Variants in CSMD1 observed in about 807,000 individuals in gnomAD.
CSMD1 encodes CUB and Sushi multiple domains 1.
Under a neutral mutation model 417.5 loss-of-function variants are expected in CSMD1, and 213 were observed. The observed-to-expected ratio is 0.51, with a 90% CI of 0.46 to 0.57. The LOEUF is 0.57. CSMD1 is among the 20% of genes least tolerant of loss of function. CSMD1 has a pLI of 0.00. For missense variants in CSMD1, 6,923 were observed against 4,529.7 expected (o/e 1.53, Z -15.17); for synonymous variants, 2,862 against 1,736.8 (o/e 1.65, Z -16.11).
intron 1 of CSMD1, among the ~76,000 whole-genome samples, chr8:4,854,671 G>C (rs1048215929): frequency 6.6e-6 from 1 of 152,088 alleles, no homozygotes; most frequent in Non-Finnish European, 1.5e-5. Context: ...CTGGAAAATC[G>C]GGTCACTCCC....
At chr8:4,456,519 T>G (rs569875034) in intron 2 of CSMD1, among the ~76,000 whole-genome samples, 5 of 152,192 alleles carry the variant, frequency 3.3e-5, no homozygotes, top group African/African-American at 1.2e-4. Context: ...TAAATGTTTA[T>G]AGTGTTGGCA....
At chr8:4,742,255 C>T (rs7003358) in intron 1 of CSMD1, among the ~76,000 whole-genome samples, 1 of 150,602 alleles carries the variant, frequency 6.6e-6, no homozygotes, top group Non-Finnish European at 1.5e-5. Flanking sequence ...TGGTCTCGAT[C>T]TCCTGACCTC....
chr8:3,858,250 A>G (rs1295149579), intron 5 of CSMD1, among the ~76,000 whole-genome samples: 1 of 152,226 alleles, frequency 6.6e-6, no homozygotes, highest in African/African-American at 2.4e-5. Context: ...TTGCTTTGAT[A>G]AAGTCCACAG....
At position 3,691,564 on chromosome 8, in the gene CSMD1, C is replaced by A. The variant is rs533569641; in HGVS notation, c.1009+16850G>T. On this transcript the variant is annotated intron_variant, in intron 7 of 69. Transcript: ENST00000635120. ...CTACCTGAATGAATAATTGTATTTACACATAACTTTATAATCTTCCAACCT... is the reference window on the plus strand; with the variant it reads ...CTACCTGAATGAATAATTGTATTTAAACATAACTTTATAATCTTCCAACCT... 7.2e-5 allele frequency among the ~76,000 whole-genome samples: 11 copies of A among 152,254 alleles called. No homozygotes were observed. The South Asian group carries it at 2.3e-3, about 32-fold the overall frequency.
chr8:2,975,793 G>A (rs1804860638), intron 55 of CSMD1, among the ~76,000 whole-genome samples: 1 of 152,272 alleles, frequency 6.6e-6, no homozygotes, highest in East Asian at 1.9e-4. Context: ...TGAGATCTTT[G>A]GATTCCCAAA....
intron 8 of CSMD1, among the ~76,000 whole-genome samples, chr8:3,615,839 G>C (rs990050030): frequency 1.3e-5 from 2 of 151,898 alleles, no homozygotes; most frequent in Non-Finnish European, 2.9e-5. Context: ...TTTTACAGCT[G>C]CTTCTAATAA....
chr8:4,132,442 G>C (rs1332092983), intron 3 of CSMD1, among the ~76,000 whole-genome samples: 1 of 152,042 alleles, frequency 6.6e-6, no homozygotes, highest in Non-Finnish European at 1.5e-5. Context: ...TTTATTTAAA[G>C]GAACAAAATT....
intron 3 of CSMD1, among the ~76,000 whole-genome samples, chr8:4,349,414 T>C (rs1800958687): frequency 6.6e-6 from 1 of 152,214 alleles, no homozygotes; most frequent in African/African-American, 2.4e-5. Flanking sequence ...TTATCACCTC[T>C]ACTTTAATGA....
intron 1 of CSMD1, among the ~76,000 whole-genome samples, chr8:4,663,711 T>G (rs1403974614): frequency 6.6e-6 from 1 of 152,166 alleles, no homozygotes; most frequent in Non-Finnish European, 1.5e-5. Context: ...GCAGGTCAAC[T>G]AAATCCCTCT....
chr8:3,332,090 A>AC (rs1491147246), intron 23 of CSMD1, among the ~76,000 whole-genome samples: 1 of 152,252 alleles, frequency 6.6e-6, no homozygotes, highest in Admixed American at 6.5e-5. Context: ...TGACAGACAC[A>AC]TGATAGATAC....
chr8:3,107,940 A>G, intron 44 of CSMD1, 142 bp from the exon 45 acceptor site: 2 of 557,536 alleles, frequency 3.6e-6, no homozygotes, highest in Non-Finnish European at 6.2e-6. Context: ...TCATAGCTTT[A>G]TAAAATTCCC....
chr8:4,875,547 T>C (rs552287725), intron 1 of CSMD1, among the ~76,000 whole-genome samples: 2 of 152,026 alleles, frequency 1.3e-5, no homozygotes, highest in Non-Finnish European at 2.9e-5. Context: ...ACTGTCCAAC[T>C]CAAGCAGAAG....
At chr8:4,050,929 T>C (rs962235841) in intron 3 of CSMD1, among the ~76,000 whole-genome samples, 1 of 152,112 alleles carries the variant, frequency 6.6e-6, no homozygotes, top group South Asian at 2.1e-4. Context: ...GTGACCTATA[T>C]TCCCATCCAT....
intron 8 of CSMD1, among the ~76,000 whole-genome samples, chr8:3,596,066 C>G (rs986756009): frequency 6.6e-6 from 1 of 152,166 alleles, no homozygotes; most frequent in African/African-American, 2.4e-5. Context: ...CTTAGGAAGC[C>G]AGAGGAGACT....
chr8:4,266,117 G>C (rs1009741241), intron 3 of CSMD1, among the ~76,000 whole-genome samples: 5 of 102,744 alleles, frequency 4.9e-5, no homozygotes, highest in African/African-American at 1.3e-4. Context: ...TGATCATTTG[G>C]AACTGACTTA....
At chr8:4,206,961 T>C (rs1224422211) in intron 3 of CSMD1, among the ~76,000 whole-genome samples, 1 of 152,216 alleles carries the variant, frequency 6.6e-6, no homozygotes, top group Non-Finnish European at 1.5e-5. Context: ...GCCTATTTCA[T>C]ATAGATGTGG....
intron 2 of CSMD1, among the ~76,000 whole-genome samples, 181 bp from the exon 3 acceptor site, chr8:4,420,246 A>C (rs1027666178): frequency 6.6e-6 from 1 of 152,188 alleles, no homozygotes; most frequent in African/African-American, 2.4e-5. Flanking sequence ...AAACATTTTC[A>C]AGTATGAGAA....
Position 3,230,720 on chromosome 8 carries a change from A to C in CSMD1, c.4154-489T>G, listed in dbSNP as rs564988651. ...GGTGGAAGGTCTAGAGGAGATGACC[A>C]GTGAGTTATACCCAGGATCCCATAG... On this transcript the variant is annotated intron_variant, in intron 26 of 69. Coordinates refer to ENST00000635120, the MANE Select transcript of CSMD1 (RefSeq NM_033225.6). Among the ~76,000 whole-genome samples the C allele has an allele frequency of 3.9e-5, 6 of 152,308 alleles. No homozygotes were observed. The East Asian group carries it at 1.2e-3, about 30-fold the overall frequency.
chr8:3,011,673 C>G (rs1808393159), intron 52 of CSMD1, among the ~76,000 whole-genome samples: 1 of 152,152 alleles, frequency 6.6e-6, no homozygotes, highest in Admixed American at 6.5e-5. Flanking sequence ...TGGGAAATAA[C>G]TCAAGCTACC....
Sources: allele counts gnomAD v4.1 joint callset (sites outside exome capture counted in the v4.1 genomes callset), GRCh38; gene constraint gnomAD v4.1.1; transcripts MANE v1.5; gene names NCBI Gene and HGNC (gene_info 2026-07-23, HGNC 2026-07-21).